GALNT14: variants seen among roughly 807,000 people sequenced by gnomAD.
GALNT14 encodes polypeptide N-acetylgalactosaminyltransferase 14.
GALNT14 carries 60 observed loss-of-function variants against 77.5 expected under a neutral mutation model. The observed-to-expected ratio is 0.77, with a 90% CI of 0.63 to 0.96. The LOEUF (loss-of-function observed/expected upper bound fraction) is 0.96. GALNT14 is among the 40% of genes least tolerant of loss of function. The pLI, the probability that GALNT14 is intolerant of heterozygous loss-of-function variation, is 0.00. For missense variants in GALNT14, 710 were observed against 731.0 expected, an observed-to-expected ratio of 0.97 and a Z score of 0.33; for synonymous variants, 280 against 281.7, an observed-to-expected ratio of 0.99 and a Z score of 0.06.
At chr2:30,904,544 T>C in the GALNT14 span, among the ~76,000 whole-genome samples, 2 of 152,236 alleles carry the variant, frequency 1.3e-5, no homozygotes, top group Admixed American at 1.3e-4. Flanking sequence ...ATCCCACACC[T>C]GGCTTGGAGG....
intron 8 of GALNT14, among the ~76,000 whole-genome samples, chr2:30,942,745 G>A (rs1011480739): frequency 1.3e-5 from 2 of 152,162 alleles, no homozygotes; most frequent in African/African-American, 2.4e-5. Context: ...GGGCTGAGGC[G>A]GCACTTGGTA....
rs1356800177 is a variant in GALNT14, at chr2:30,929,533, G to A, written c.1059-46C>T. 5 of 1,441,510 alleles carry A rather than the reference G, an allele frequency of 3.5e-6. No individual in the cohort carries two copies. The South Asian group carries it at 3.5e-5, about 10-fold the overall frequency. 89.3% of individuals were successfully genotyped at this position (1,441,510 alleles called of 1,614,324 possible). A position where few individuals can be genotyped will look rare whatever the true frequency, so the allele number is the denominator to read the frequency against. On this transcript the variant is annotated intron_variant, in intron 10 of 14. Transcript: ENST00000349752. Reference sequence around the variant, plus strand: ...AAGGGGTGTCAGTAAGGGGCTGTCTGAGAGGCCCTGTGAGTGCCAGTTAAA... The same window carrying A: ...AAGGGGTGTCAGTAAGGGGCTGTCTAAGAGGCCCTGTGAGTGCCAGTTAAA...
Position 30,920,132 on chromosome 2 carries a change from C to A in GALNT14, c.1380+3987G>T, listed in dbSNP as rs148911896. On this transcript the variant is annotated intron_variant, in intron 13 of 14. Coordinates refer to ENST00000349752, the MANE Select transcript of GALNT14 (RefSeq NM_024572.4). ...TACACTTGTCTAAAAGAGCTCAGAGCCAGCCCTGACTCTCCAGCATCAGCA... is the reference window on the plus strand; with the variant it reads ...TACACTTGTCTAAAAGAGCTCAGAGACAGCCCTGACTCTCCAGCATCAGCA... 5.3e-5 allele frequency among the ~76,000 whole-genome samples: 8 copies of A among 152,288 alleles called. No homozygotes were observed. In the East Asian group the frequency reaches 1.5e-3, roughly 29 times the overall value.
intron 1 of GALNT14, among the ~76,000 whole-genome samples, chr2:31,026,482 TG>T (rs1234779752): frequency 3.3e-5 from 5 of 152,194 alleles, no homozygotes; most frequent in Non-Finnish European, 7.4e-5. Context: ...ATAGTTTAAG[TG>T]GCTGCCCTGC....
intron 1 of GALNT14, among the ~76,000 whole-genome samples, chr2:31,133,562 T>C (rs7560152): frequency 0.42 from 64,563 of 152,050 alleles, 16,134 homozygotes; most frequent in African/African-American, 0.71. Flanking sequence ...ATACCTTCCT[T>C]GAAAATTACC....
intron 1 of GALNT14, among the ~76,000 whole-genome samples, chr2:31,107,003 G>C (rs1677591772): frequency 6.6e-6 from 1 of 152,180 alleles, no homozygotes; most frequent in Non-Finnish European, 1.5e-5. Flanking sequence ...TCTGTACCTT[G>C]ATCTGAATAG....
chr2:30,898,034 A>C, the GALNT14 span, among the ~76,000 whole-genome samples: 11 of 152,070 alleles, frequency 7.2e-5, no homozygotes, highest in Admixed American at 3.3e-4. Context: ...TAAAATCCTA[A>C]CTCCCAAGGT....
chr2:31,076,334 G>T (rs1011879474), intron 1 of GALNT14, among the ~76,000 whole-genome samples: 3 of 152,130 alleles, frequency 2.0e-5, no homozygotes, highest in Non-Finnish European at 4.4e-5. Flanking sequence ...CCAAGAGGAC[G>T]TAGCTCCTAA....
intron 1 of GALNT14, among the ~76,000 whole-genome samples, chr2:31,001,778 T>C (rs1440138674): frequency 6.6e-6 from 1 of 151,798 alleles, no homozygotes; most frequent in Non-Finnish European, 1.5e-5. Flanking sequence ...TAACTGTAGA[T>C]AAAATGTTTA....
chr2:31,130,790 GCA>G (rs142430081), intron 1 of GALNT14, among the ~76,000 whole-genome samples: 28,299 of 133,932 alleles, frequency 0.21, 3,111 homozygotes, highest in African/African-American at 0.24. Context: ...GTGTGCGCGC[GCA>G]CCTGTGTGTG....
the GALNT14 span, among the ~76,000 whole-genome samples, chr2:30,894,753 G>A: frequency 6.6e-6 from 1 of 152,202 alleles, no homozygotes; most frequent in Non-Finnish European, 1.5e-5. Flanking sequence ...GCCAGCTGTT[G>A]CAGGGGAGGG....
intron 1 of GALNT14, among the ~76,000 whole-genome samples, chr2:31,133,235 C>T (rs1181503588): frequency 6.6e-6 from 1 of 152,220 alleles, no homozygotes; most frequent in African/African-American, 2.4e-5. Context: ...TGTCTTGATA[C>T]ATTGGCTCTG....
intron 1 of GALNT14, among the ~76,000 whole-genome samples, chr2:31,046,614 ATG>A (rs75693756): frequency 0.43 from 65,213 of 151,848 alleles, 14,314 homozygotes; most frequent in East Asian, 0.55. Flanking sequence ...TTGCTACATT[ATG>A]TAGTTGGAAA....
At chr2:31,071,272 A>G (rs1192506859) in intron 1 of GALNT14, among the ~76,000 whole-genome samples, 1 of 152,146 alleles carries the variant, frequency 6.6e-6, no homozygotes, top group Non-Finnish European at 1.5e-5. Flanking sequence ...TTTAAAAGAG[A>G]AAGTAGAACC....
At chr2:31,083,452 G>T (rs150494774) in intron 1 of GALNT14, among the ~76,000 whole-genome samples, 4 of 152,128 alleles carry the variant, frequency 2.6e-5, no homozygotes, top group Admixed American at 1.3e-4. Flanking sequence ...CCTCCCATTC[G>T]TTCCAGTTAA....
intron 8 of GALNT14, among the ~76,000 whole-genome samples, chr2:30,943,232 C>T (rs765014631): frequency 6.6e-6 from 1 of 152,160 alleles, no homozygotes; most frequent in African/African-American, 2.4e-5. Flanking sequence ...TTTTCTTCGT[C>T]CCAGTCCCCA....
chr2:30,906,985 G>A (rs568056384), downstream of GALNT14, among the ~76,000 whole-genome samples: 176 of 152,266 alleles, frequency 1.2e-3, no homozygotes, highest in African/African-American at 3.8e-3. Flanking sequence ...AATGAAGGCC[G>A]AAATAAAGAT....
chr2:30,928,613 T>A (rs886613984), intron 11 of GALNT14, among the ~76,000 whole-genome samples: 3 of 152,176 alleles, frequency 2.0e-5, no homozygotes, highest in African/African-American at 4.8e-5. Context: ...TATTTATTTT[T>A]AATTAATTAA....
At chr2:30,967,582 G>A (rs965128455) in intron 2 of GALNT14, among the ~76,000 whole-genome samples, 1 of 152,190 alleles carries the variant, frequency 6.6e-6, no homozygotes, top group Admixed American at 6.5e-5. Context: ...GAAAAGGTAA[G>A]TCTTGTCCTT....
Sources: gnomAD v4.1 joint callset for allele counts (sites outside exome capture counted in the v4.1 genomes callset) on GRCh38, gnomAD v4.1.1 for gene constraint, MANE v1.5 for transcripts, NCBI Gene and HGNC (gene_info 2026-07-23, HGNC 2026-07-21) for gene names.